Variants in TCF12 observed in about 807,000 individuals in gnomAD.
The protein encoded by TCF12 is DNA-binding protein HTF4.
TCF12 carries 45 observed loss-of-function variants against 86.0 expected under a neutral mutation model. The ratio of observed to expected loss-of-function variants is 0.52; its 90% confidence interval spans 0.41 to 0.67. The LOEUF is 0.67. Ranked by LOEUF, TCF12 falls within the 30% of genes least tolerant of loss-of-function variation. The pLI, the probability that TCF12 is intolerant of heterozygous loss-of-function variation, is 0.00. For synonymous variants in TCF12, 330 were observed against 299.6 expected (o/e 1.10, Z -1.05); for missense variants, 881 against 859.9 (o/e 1.02, Z -0.31).
At chr15:56,944,701 C>T (rs187569681) in intron 3 of TCF12, among the ~76,000 whole-genome samples, 7 of 151,960 alleles carry the variant, frequency 4.6e-5, no homozygotes, top group African/African-American at 1.7e-4. Context: ...ACCTTCTTAC[C>T]ATGGGGACAG....
At chr15:56,958,561 A>G (rs560386330) in intron 3 of TCF12, among the ~76,000 whole-genome samples, 2 of 152,252 alleles carry the variant, frequency 1.3e-5, no homozygotes, top group Admixed American at 6.5e-5. Context: ...AGTGACTACC[A>G]TACTGGAGAG....
intron 19 of TCF12, among the ~76,000 whole-genome samples, chr15:57,274,348 A>G (rs1178097117): frequency 6.6e-6 from 1 of 152,258 alleles, no homozygotes; most frequent in East Asian, 1.9e-4. Context: ...TATTTAATGA[A>G]TAAGAATGAG....
intron 6 of TCF12, among the ~76,000 whole-genome samples, chr15:57,170,793 T>C (rs1359611545): frequency 2.8e-5 from 1 of 35,160 alleles, no homozygotes; most frequent in Non-Finnish European, 4.9e-5. Context: ...ATATATATAA[T>C]ATATATATAT....
At chr15:57,014,886 ATTATTATTG>A (rs1200887906) in intron 3 of TCF12, among the ~76,000 whole-genome samples, 3 of 106,778 alleles carry the variant, frequency 2.8e-5, no homozygotes, top group Admixed American at 8.4e-5. Context: ...TATTATTATT[ATTATTATTG>A]TTATTATTAT....
chr15:57,130,411 G>GT (rs2052016354), intron 5 of TCF12, among the ~76,000 whole-genome samples: 1 of 151,896 alleles, frequency 6.6e-6, no homozygotes, highest in African/African-American at 2.4e-5. Flanking sequence ...TTTTGTTTTT[G>GT]TTTTTTAACT....
intron 9 of TCF12, among the ~76,000 whole-genome samples, chr15:57,231,545 A>G (rs1327491515): frequency 6.6e-6 from 1 of 152,172 alleles, no homozygotes; most frequent in Non-Finnish European, 1.5e-5. Context: ...TAGAATTGAA[A>G]TGTATGAAAA....
At chr15:57,060,692 T>C (rs1184432416) in intron 3 of TCF12, among the ~76,000 whole-genome samples, 1 of 152,172 alleles carries the variant, frequency 6.6e-6, no homozygotes. Context: ...ACAGGAAAAA[T>C]GTTACTTCTC....
chr15:57,033,445 A>C (rs1358358919), intron 3 of TCF12, among the ~76,000 whole-genome samples: 2 of 152,152 alleles, frequency 1.3e-5, no homozygotes, highest in African/African-American at 4.8e-5. Context: ...GACTTTGGGA[A>C]TTATTGATTT....
intron 3 of TCF12, among the ~76,000 whole-genome samples, chr15:57,039,396 A>G (rs1389749215): frequency 6.6e-6 from 1 of 152,172 alleles, no homozygotes; most frequent in African/African-American, 2.4e-5. Flanking sequence ...TTTGTTAGCC[A>G]GTTACTTCAT....
chr15:57,026,774 C>T (rs1308379714), intron 3 of TCF12, among the ~76,000 whole-genome samples: 8 of 151,574 alleles, frequency 5.3e-5, no homozygotes, highest in East Asian at 3.9e-4. Flanking sequence ...TCTTGATGTC[C>T]GTGGGGGATT....
intron 3 of TCF12, among the ~76,000 whole-genome samples, chr15:57,048,059 A>G (rs576226333): frequency 1.3e-5 from 2 of 152,182 alleles, no homozygotes; most frequent in Non-Finnish European, 2.9e-5. Flanking sequence ...TGCCTTCCAT[A>G]GTTGTTATGT....
rs988340218 is a variant in TCF12, at chr15:57,289,559, C to G, written c.*3414C>G. ...TATTTCATTTTTCTTTTCTATAGTT[C>G]ATGTTTTCTTTTTCCTTGGAAACTC... is the stretch of plus-strand genomic sequence containing the variant. On this transcript the variant is annotated 3_prime_UTR_variant, in exon 21 of 21. Coordinates refer to ENST00000333725, the MANE Select transcript of TCF12 (RefSeq NM_207037.2). 1 of 151,784 alleles carries G rather than the reference C, an allele frequency of 6.6e-6. No individual in the cohort carries two copies. The highest frequency in any genetic ancestry group is 2.4e-5 in the African/African-American group (1 of 41,262). 9.4% of individuals were successfully genotyped at this position (151,784 alleles called of 1,614,324 possible). A position where few individuals can be genotyped will look rare whatever the true frequency, so the allele number is the denominator to read the frequency against.
chr15:57,266,407 T>A (rs1597763228), intron 18 of TCF12, among the ~76,000 whole-genome samples: 1 of 152,134 alleles, frequency 6.6e-6, no homozygotes, highest in Non-Finnish European at 1.5e-5. Context: ...TATTAGAACA[T>A]CACCATGCCA....
At chr15:57,097,314 G>T (rs1256742976) in intron 5 of TCF12, among the ~76,000 whole-genome samples, 6 of 151,958 alleles carry the variant, frequency 3.9e-5, no homozygotes, top group Non-Finnish European at 5.9e-5. Context: ...GATTGCTTGA[G>T]CCCAGGAGTT....
intron 3 of TCF12, among the ~76,000 whole-genome samples, chr15:57,054,658 ATTTG>A (rs1212239782): frequency 4.0e-5 from 6 of 148,746 alleles, no homozygotes; most frequent in Admixed American, 2.7e-4. Flanking sequence ...AGGTCTACTA[ATTTG>A]TTTGTTTTCT....
chr15:57,210,523 C>T lies in TCF12; in HGVS notation c.579+12698C>T, dbSNP rs147299014. On this transcript the variant is annotated intron_variant, in intron 8 of 20. Coordinates refer to ENST00000333725, the MANE Select transcript of TCF12 (RefSeq NM_207037.2). ...TTTCTATTTACATGGACAGTGTGCC[C>T]CTTGGTTAGATAGGAATTATTAGAT... Among the ~76,000 whole-genome samples, 380 of 152,070 alleles carry T rather than the reference C, an allele frequency of 2.5e-3. 2 individuals are homozygous for T. The highest frequency in any genetic ancestry group is 0.01 in the Middle Eastern group (3 of 294).
intron 3 of TCF12, among the ~76,000 whole-genome samples, chr15:56,940,228 T>C (rs2060670551): frequency 6.6e-6 from 1 of 151,992 alleles, no homozygotes; most frequent in African/African-American, 2.4e-5. Context: ...GAGGAAGCAG[T>C]CATAAAAGCA....
chr15:57,196,901 T>C (rs2057293646), intron 7 of TCF12, among the ~76,000 whole-genome samples: 1 of 152,220 alleles, frequency 6.6e-6, no homozygotes, highest in Admixed American at 6.5e-5. Context: ...ATAGTTTATG[T>C]ATCATATATT....
intron 4 of TCF12, among the ~76,000 whole-genome samples, chr15:57,069,045 G>A (rs1596373306): frequency 1.3e-5 from 2 of 152,122 alleles, no homozygotes; most frequent in African/African-American, 4.8e-5. Flanking sequence ...AATGTCAAGA[G>A]GCCAGGTCAT....
Sources: gnomAD v4.1 joint callset for allele counts (sites outside exome capture counted in the v4.1 genomes callset) on GRCh38, gnomAD v4.1.1 for gene constraint, MANE v1.5 for transcripts, NCBI Gene and HGNC (gene_info 2026-07-23, HGNC 2026-07-21) for gene names.